Variants in ERICH3 observed in about 807,000 individuals in gnomAD.
ERICH3 encodes glutamate rich 3.
In ERICH3, 126 loss-of-function variants were observed where a neutral mutation model predicts 131.1. The ratio of observed to expected loss-of-function variants is 0.96; its 90% CI spans 0.83 to 1.11. The LOEUF (loss-of-function observed/expected upper bound fraction) is 1.11. ERICH3 is among the 50% of genes most tolerant of loss of function. ERICH3 has a pLI of 0.00. For missense variants in ERICH3, 2,050 were observed against 1,810.7 expected, an observed-to-expected ratio of 1.13 and a Z score of -2.40; for synonymous variants, 695 against 644.6, an observed-to-expected ratio of 1.08 and a Z score of -1.18.
chr1:74,649,828 T>C lies in ERICH3; in HGVS notation c.24-513A>G, dbSNP rs545006485. 7.2e-5 allele frequency among the ~76,000 whole-genome samples: 11 copies of C among 152,220 alleles called. No homozygotes were observed. In the East Asian group the frequency reaches 1.7e-3, roughly 24 times the overall value. On this transcript the variant is annotated intron_variant, in intron 1 of 14. Transcript: ENST00000326665. ...TTCACCTGCCAGCCAGCAGATAATATCTGTGGTGTATAAGCCTCTCTTCTC... is the reference window on the plus strand; with the variant it reads ...TTCACCTGCCAGCCAGCAGATAATACCTGTGGTGTATAAGCCTCTCTTCTC...
chr1:74,661,433 C>A (rs1557704483), intron 1 of ERICH3, among the ~76,000 whole-genome samples: 2 of 152,044 alleles, frequency 1.3e-5, no homozygotes, highest in African/African-American at 4.8e-5. Context: ...AAAGGAGCAA[C>A]CTCATTTTGA....
At chr1:74,614,356 C>T (rs971265881) in intron 8 of ERICH3, among the ~76,000 whole-genome samples, 22 of 131,608 alleles carry the variant, frequency 1.7e-4, no homozygotes, top group African/African-American at 6.1e-4. Context: ...GTGTGTACCA[C>T]ATTTTTTCCC....
chr1:74,670,242 T>C (rs939333121), intron 1 of ERICH3, among the ~76,000 whole-genome samples: 1 of 152,176 alleles, frequency 6.6e-6, no homozygotes, highest in Admixed American at 6.5e-5. Context: ...GATACTTACA[T>C]GCAGCCATCC....
Position 74,673,653 on chromosome 1 carries a change from G to A in ERICH3, c.-134C>T. On this transcript the variant is annotated 5_prime_UTR_variant, in exon 1 of 15. Transcript: ENST00000326665. ...AGGTCCCCTGTGCGCGGGCACCTGG[G>A]CTGGGCCGCCGCCGCCCCTGGGCGC... 1.1e-6 allele frequency: 1 copy of A among 925,440 alleles called. No individual in the cohort carries two copies. The highest frequency in any genetic ancestry group is 1.5e-6 in the Non-Finnish European group (1 of 675,618). The allele number at this position is 925,440 out of a possible 1,614,324, so 57.3% of individuals were successfully genotyped here. A position where few individuals can be genotyped will look rare whatever the true frequency, so the allele number is the denominator to read the frequency against.
At chr1:74,579,222 A>G (rs1221270820) in intron 12 of ERICH3, among the ~76,000 whole-genome samples, 1 of 152,180 alleles carries the variant, frequency 6.6e-6, no homozygotes, top group Non-Finnish European at 1.5e-5. Context: ...TTTATTTGGC[A>G]ATTACATGAA....
At chr1:74,640,996 T>C (rs928734358) in intron 5 of ERICH3, among the ~76,000 whole-genome samples, 1 of 152,220 alleles carries the variant, frequency 6.6e-6, no homozygotes, top group Non-Finnish European at 1.5e-5. Context: ...TGAGGTCATA[T>C]GGTTTAGGGT....
intron 7 of ERICH3, chr1:74,622,828 T>C (rs1354112990): frequency 6.6e-6 from 1 of 152,204 alleles, no homozygotes; most frequent in Non-Finnish European, 1.5e-5. Context: ...TTTCCTCTTA[T>C]TCATATTTCT....
chr1:74,597,311 G>A (rs527449470), intron 11 of ERICH3, among the ~76,000 whole-genome samples: 1 of 151,768 alleles, frequency 6.6e-6, no homozygotes, highest in East Asian at 2.0e-4. Flanking sequence ...TCTGACGATG[G>A]AGTAAAAAAA....
intron 9 of ERICH3, among the ~76,000 whole-genome samples, chr1:74,608,458 G>A (rs1648505999): frequency 6.6e-6 from 1 of 151,920 alleles, no homozygotes; most frequent in Non-Finnish European, 1.5e-5. Flanking sequence ...GAAATAATAT[G>A]TAAAATCTCA....
intron 1 of ERICH3, among the ~76,000 whole-genome samples, chr1:74,662,723 T>C (rs1646654776): frequency 1.3e-5 from 2 of 152,170 alleles, no homozygotes; most frequent in South Asian, 4.1e-4. Context: ...TATAGCATGC[T>C]TGCCTGCTTC....
chr1:74,611,742 T>C (rs1648707198), intron 9 of ERICH3, among the ~76,000 whole-genome samples: 1 of 152,168 alleles, frequency 6.6e-6, no homozygotes, highest in South Asian at 2.1e-4. Flanking sequence ...GAAAGAAATT[T>C]TTTTTCTGGT....
At chr1:74,644,135 C>T (rs1279457464) in intron 3 of ERICH3, among the ~76,000 whole-genome samples, 1 of 151,936 alleles carries the variant, frequency 6.6e-6, no homozygotes, top group African/African-American at 2.4e-5. Context: ...AATGTTTCCC[C>T]TCTGTTCTTG....
At chr1:74,638,652 C>T (rs1207306659) in intron 5 of ERICH3, among the ~76,000 whole-genome samples, 1 of 152,174 alleles carries the variant, frequency 6.6e-6, no homozygotes, top group African/African-American at 2.4e-5. Flanking sequence ...GATGACATTT[C>T]CCAGCATCCC....
intron 9 of ERICH3, among the ~76,000 whole-genome samples, chr1:74,607,566 C>T (rs1648463041): frequency 6.6e-6 from 1 of 151,812 alleles, no homozygotes; most frequent in Non-Finnish European, 1.5e-5. Flanking sequence ...GTCATTATTG[C>T]TTTTAGAATG....
At chr1:74,599,400 G>A (rs563965506) in intron 11 of ERICH3, among the ~76,000 whole-genome samples, 2 of 151,956 alleles carry the variant, frequency 1.3e-5, no homozygotes, top group East Asian at 1.9e-4. Flanking sequence ...ACATAGTGGG[G>A]AACAACAAAC....
chr1:74,599,637 A>G, intron 11 of ERICH3, 58 bp downstream of exon 11: 1 of 1,341,956 alleles, frequency 7.5e-7, no homozygotes, highest in Non-Finnish European at 1.0e-6. Context: ...AAAACAAAGA[A>G]AAGTAGTAAA....
chr1:74,646,503 A>G (rs1220943876), intron 3 of ERICH3, among the ~76,000 whole-genome samples, 164 bp downstream of exon 3: 1 of 152,090 alleles, frequency 6.6e-6, no homozygotes, highest in Non-Finnish European at 1.5e-5. Context: ...TTTTTTAATG[A>G]AATGCAGAAA....
chr1:74,570,984 G>A (rs1646930791), intron 14 of ERICH3, 115 bp downstream of exon 14: 19 of 1,334,566 alleles, frequency 1.4e-5, no homozygotes, highest in Non-Finnish European at 1.9e-5. Flanking sequence ...CAGAATTGAA[G>A]CCTGTGTGTT....
At chr1:74,576,813 G>T (rs1647064192) in intron 13 of ERICH3, 82 bp downstream of exon 13, 4 of 1,246,070 alleles carry the variant, frequency 3.2e-6, no homozygotes, top group Non-Finnish European at 4.5e-6. Flanking sequence ...GTGATTTCAA[G>T]AACATGGGAA....
Sources: gnomAD v4.1 joint callset for allele counts (sites outside exome capture counted in the v4.1 genomes callset) on GRCh38, gnomAD v4.1.1 for gene constraint, MANE v1.5 for transcripts, NCBI Gene and HGNC (gene_info 2026-07-23, HGNC 2026-07-21) for gene names.